Variants in HAAO observed in about 807,000 individuals in gnomAD.
HAAO encodes 3-hydroxyanthranilate 3,4-dioxygenase, also known as 3-hydroxyanthranilate oxygenase.
HAAO carries 49 observed loss-of-function variants against 46.2 expected under a neutral mutation model. The ratio of observed to expected loss-of-function variants is 1.06; its 90% CI spans 0.84 to 1.34. HAAO has a LOEUF of 1.34. Ranked by LOEUF, HAAO falls within the 40% of genes most tolerant of loss-of-function variation. HAAO has a pLI of 0.00. For synonymous variants in HAAO, 157 were observed against 145.2 expected, an observed-to-expected ratio of 1.08 and a Z score of -0.58; for missense variants, 408 against 364.5, an observed-to-expected ratio of 1.12 and a Z score of -0.97.
At chr2:42,788,738 C>A in intron 1 of HAAO, 131 bp from the exon 2 acceptor site, 1 of 693,944 alleles carries the variant, frequency 1.4e-6, no homozygotes, top group South Asian at 1.6e-5. Flanking sequence ...GCCTCACTGT[C>A]CCTGTTCCCC....
intron 4 of HAAO, among the ~76,000 whole-genome samples, chr2:42,778,721 C>T (rs746502106): frequency 9.7e-4 from 148 of 152,292 alleles, no homozygotes; most frequent in Non-Finnish European, 1.6e-3. Context: ...ATTCCTGAAA[C>T]ACAGGGACAG....
At chr2:42,769,602 T>TGTGA in intron 7 of HAAO, 111 bp downstream of exon 7, 2 of 729,898 alleles carry the variant, frequency 2.7e-6, no homozygotes, top group Non-Finnish European at 2.1e-6. Context: ...TGTGTGTGTG[T>TGTGA]GTGAGTGTGT....
Position 42,767,374 on chromosome 2 carries a change from G to A in HAAO, c.*63C>T, listed in dbSNP as rs747462488. The A allele has an allele frequency of 1.5e-4, 165 of 1,136,430 alleles. 1 individual carries two copies. Among genetic ancestry groups the A allele is most frequent in the Admixed American group, 2.2e-4 (12 of 54,882 alleles). The allele number at this position is 1,136,430 out of a possible 1,614,324, so 70.4% of individuals were successfully genotyped here. On this transcript the variant is annotated 3_prime_UTR_variant, in exon 10 of 10. Transcript: ENST00000294973. ...GTAGTGGGGGCTGGGAGAGTTGTTTGGCAGGGATGGCACTCGAGGGTGCTT... is the reference window on the plus strand; with the variant it reads ...GTAGTGGGGGCTGGGAGAGTTGTTTAGCAGGGATGGCACTCGAGGGTGCTT...
At position 42,769,698 on chromosome 2, in the gene HAAO, C is replaced by G; in HGVS notation, c.630+15G>C. On this transcript the variant is annotated intron_variant, in intron 7 of 9. Coordinates refer to ENST00000294973, the MANE Select transcript of HAAO (RefSeq NM_012205.3). ...GCTGTGGGAGGATGCCCCGGATGCCCCAGGACTACATTACCTGGGTCTCAT... is the reference window on the plus strand; with the variant it reads ...GCTGTGGGAGGATGCCCCGGATGCCGCAGGACTACATTACCTGGGTCTCAT... 1.3e-6 allele frequency: 2 copies of G among 1,596,938 alleles called. No homozygotes were observed. The highest frequency in any genetic ancestry group is 1.7e-6 in the Non-Finnish European group (2 of 1,171,214).
chr2:42,787,228 C>T (rs897734176), intron 2 of HAAO, among the ~76,000 whole-genome samples: 1 of 152,106 alleles, frequency 6.6e-6, no homozygotes, highest in African/African-American at 2.4e-5. Context: ...CACTCAGGCA[C>T]CTGAGCTTGG....
chr2:42,787,078 A>G (rs1271485876), intron 2 of HAAO, among the ~76,000 whole-genome samples: 1 of 151,972 alleles, frequency 6.6e-6, no homozygotes, highest in East Asian at 1.9e-4. Context: ...TCACAAGCCC[A>G]CCTCCAGCCA....
chr2:42,790,780 C>T (rs1445493793), intron 1 of HAAO, among the ~76,000 whole-genome samples: 2 of 152,180 alleles, frequency 1.3e-5, no homozygotes, highest in African/African-American at 2.4e-5. Flanking sequence ...GATCCACCCA[C>T]CTCAGCCTCC....
At chr2:42,786,135 GGAGT>G in intron 2 of HAAO, among the ~76,000 whole-genome samples, 1 of 151,302 alleles carries the variant, frequency 6.6e-6, no homozygotes, top group Non-Finnish European at 1.5e-5. Context: ...AGGGGAGTCC[GGAGT>G]GACCCTCTGG....
At chr2:42,770,342 G>T in intron 5 of HAAO, 151 bp downstream of exon 5, 1 of 870,186 alleles carries the variant, frequency 1.1e-6, no homozygotes. Flanking sequence ...TTCCCTCCCA[G>T]CGGGGCTGCT....
intron 1 of HAAO, among the ~76,000 whole-genome samples, chr2:42,789,478 G>A (rs560657408): frequency 2.0e-5 from 3 of 152,300 alleles, no homozygotes; most frequent in African/African-American, 4.8e-5. Context: ...GCTGAAGCAC[G>A]AGAATCGCTT....
intron 4 of HAAO, among the ~76,000 whole-genome samples, chr2:42,777,682 A>C (rs985288418): frequency 2.0e-5 from 3 of 152,214 alleles, no homozygotes; most frequent in Non-Finnish European, 4.4e-5. Context: ...TAATTATGTA[A>C]ATGCAATAGG....
At chr2:42,771,380 T>C (rs1172839382) in intron 4 of HAAO, among the ~76,000 whole-genome samples, 2 of 150,630 alleles carry the variant, frequency 1.3e-5, no homozygotes, top group Non-Finnish European at 2.9e-5. Context: ...TGAGCCAAGA[T>C]TGCACCGCCG....
chr2:42,786,059 G>C (rs1037997599), intron 2 of HAAO, among the ~76,000 whole-genome samples: 50 of 128,996 alleles, frequency 3.9e-4, no homozygotes, highest in African/African-American at 1.3e-3. Flanking sequence ...GTGTGTGTGT[G>C]TGTGTGTGTG....
intron 4 of HAAO, chr2:42,782,957 C>T: frequency 2.3e-6 from 1 of 438,390 alleles, no homozygotes; most frequent in Non-Finnish European, 4.4e-6. Flanking sequence ...GAGGCTGTGT[C>T]ACGGGCACAC....
Position 42,778,115 on chromosome 2 carries a change from G to T in HAAO, c.350+5199C>A, listed in dbSNP as rs190236512. 2.9e-3 allele frequency among the ~76,000 whole-genome samples: 398 copies of T among 139,294 alleles called. 1 individual carries two copies. Among genetic ancestry groups the T allele is most frequent in the African/African-American group, 0.011 (376 of 34,652 alleles). 91.4% of individuals were successfully genotyped at this position (139,294 alleles called of 152,430 possible). On this transcript the variant is annotated intron_variant, in intron 4 of 9. Coordinates refer to ENST00000294973, the MANE Select transcript of HAAO (RefSeq NM_012205.3). Reference sequence around the variant, plus strand: ...GAATGGTCTGTGTAAGTCACAATAAGAGGATTTATTTAAAAAAAAAACCCA... The same window carrying T: ...GAATGGTCTGTGTAAGTCACAATAATAGGATTTATTTAAAAAAAAAACCCA...
chr2:42,781,086 C>A (rs555686656), intron 4 of HAAO, among the ~76,000 whole-genome samples: 34 of 151,930 alleles, frequency 2.2e-4, no homozygotes, highest in East Asian at 3.9e-4. Context: ...CAAAAAAAAA[C>A]ACAACAATTT....
At chr2:42,782,978 T>C in intron 4 of HAAO, 5 of 428,150 alleles carry the variant, frequency 1.2e-5, no homozygotes, top group South Asian at 7.5e-5. Flanking sequence ...GTCCTCAACC[T>C]TGGCAAAACA....
chr2:42,778,100 T>C (rs1671725953), intron 4 of HAAO, among the ~76,000 whole-genome samples: 1 of 151,098 alleles, frequency 6.6e-6, no homozygotes, highest in Non-Finnish European at 1.5e-5. Flanking sequence ...GAATGGTCTG[T>C]GTAAGTCACA....
At chr2:42,773,464 C>T (rs765389985) in intron 4 of HAAO, among the ~76,000 whole-genome samples, 2 of 152,088 alleles carry the variant, frequency 1.3e-5, no homozygotes, top group East Asian at 1.9e-4. Flanking sequence ...CCCTCTGGCC[C>T]GCTTTCCACA....
Sources: gnomAD v4.1 joint callset for allele counts (sites outside exome capture counted in the v4.1 genomes callset) on GRCh38, gnomAD v4.1.1 for gene constraint, MANE v1.5 for transcripts, NCBI Gene and HGNC (gene_info 2026-07-23, HGNC 2026-07-21) for gene names.